UBE2E2: variants seen among roughly 807,000 people sequenced by gnomAD.
UBE2E2 encodes ubiquitin conjugating enzyme E2 E2.
UBE2E2 carries 6 observed loss-of-function variants against 24.7 expected under a neutral mutation model. The ratio of observed to expected loss-of-function variants is 0.24; its 90% CI spans 0.13 to 0.48. The LOEUF (loss-of-function observed/expected upper bound fraction) is 0.48, where lower values mean the gene tolerates loss of function less well. Ranked by LOEUF, UBE2E2 falls within the 20% of genes least tolerant of loss-of-function variation. The pLI, the probability that UBE2E2 is intolerant of heterozygous loss-of-function variation, is 0.99. For missense variants in UBE2E2, 169 were observed against 245.0 expected (o/e 0.69, Z 2.07); for synonymous variants, 104 against 83.6 (o/e 1.24, Z -1.33).
rs372085775 is a variant in UBE2E2, at chr3:23,469,032, C to T, written c.228-30576C>T. On this transcript the variant is annotated intron_variant, in intron 3 of 5. Coordinates refer to ENST00000396703, the MANE Select transcript of UBE2E2 (RefSeq NM_152653.4). ...AGCTCTTAGTTTTGGGCAGGTATAA[C>T]AAAGTACCATGGACTGAGTGGATTG... Among the ~76,000 whole-genome samples, 63 of 152,238 alleles carry T rather than the reference C, an allele frequency of 4.1e-4. No individual in the cohort carries two copies. In the East Asian group the frequency reaches 6.9e-3, roughly 17 times the overall value.
At chr3:23,558,791 T>G (rs1695850404) in intron 5 of UBE2E2, among the ~76,000 whole-genome samples, 1 of 152,198 alleles carries the variant, frequency 6.6e-6, no homozygotes, top group Non-Finnish European at 1.5e-5. Context: ...CCAGGCACAG[T>G]GGCATATGCC....
chr3:23,229,703 T>C (rs1696923436), intron 3 of UBE2E2, among the ~76,000 whole-genome samples: 1 of 152,230 alleles, frequency 6.6e-6, no homozygotes, highest in African/African-American at 2.4e-5. Context: ...TGAACTGCTC[T>C]AGAACAGCAC....
At chr3:23,269,512 C>T (rs1559327167) in intron 3 of UBE2E2, among the ~76,000 whole-genome samples, 1 of 152,110 alleles carries the variant, frequency 6.6e-6, no homozygotes, top group Non-Finnish European at 1.5e-5. Flanking sequence ...CACAGTCTGC[C>T]AGGAAATCAG....
intron 3 of UBE2E2, among the ~76,000 whole-genome samples, chr3:23,361,380 CAT>C (rs34258016): frequency 0.1 from 15,819 of 152,182 alleles, 961 homozygotes; most frequent in East Asian, 0.13. Flanking sequence ...CATGCACACA[CAT>C]GTTTATAGTA....
intron 3 of UBE2E2, among the ~76,000 whole-genome samples, chr3:23,495,881 A>G (rs1699587654): frequency 1.3e-5 from 2 of 152,000 alleles, no homozygotes; most frequent in Non-Finnish European, 2.9e-5. Context: ...ACCCTTTGCA[A>G]TAAGCTAGGA....
chr3:23,518,953 G>T (rs533209358), intron 4 of UBE2E2, among the ~76,000 whole-genome samples: 2 of 152,234 alleles, frequency 1.3e-5, no homozygotes, highest in African/African-American at 4.8e-5. Flanking sequence ...TCCACAAAAG[G>T]CTAATTTGAG....
chr3:23,336,756 G>A (rs1304652086), intron 3 of UBE2E2, among the ~76,000 whole-genome samples: 7 of 152,192 alleles, frequency 4.6e-5, no homozygotes, highest in Non-Finnish European at 7.4e-5. Context: ...TGTGTGTTTG[G>A]GGTTTTGGCT....
intron 3 of UBE2E2, among the ~76,000 whole-genome samples, chr3:23,480,206 G>C (rs545306703): frequency 2.6e-5 from 4 of 152,234 alleles, no homozygotes; most frequent in East Asian, 1.9e-4. Context: ...GAAGGAGCCT[G>C]TGCAGCAGGG....
At chr3:23,532,832 A>T (rs2125485687) in intron 5 of UBE2E2, 131 bp downstream of exon 5, 1 of 860,844 alleles carries the variant, frequency 1.2e-6, no homozygotes, top group East Asian at 2.9e-5. Flanking sequence ...AAATTTTCAT[A>T]GTATGTAACT....
intron 3 of UBE2E2, among the ~76,000 whole-genome samples, chr3:23,447,483 G>T (rs1465394302): frequency 6.6e-6 from 1 of 152,170 alleles, no homozygotes; most frequent in South Asian, 2.1e-4. Flanking sequence ...AATGTCAGCA[G>T]TTTGGAAGAA....
At chr3:23,430,829 T>A (rs1467286212) in intron 3 of UBE2E2, among the ~76,000 whole-genome samples, 1 of 152,222 alleles carries the variant, frequency 6.6e-6, no homozygotes, top group Non-Finnish European at 1.5e-5. Flanking sequence ...CCTGTTTACT[T>A]CATTTTTTAG....
intron 2 of UBE2E2, among the ~76,000 whole-genome samples, chr3:23,213,420 T>C (rs563131415): frequency 6.6e-6 from 1 of 152,194 alleles, no homozygotes; most frequent in East Asian, 1.9e-4. Flanking sequence ...CTATTTTTTT[T>C]AAAGCAAATA....
intron 3 of UBE2E2, among the ~76,000 whole-genome samples, chr3:23,478,377 C>G (rs1699183604): frequency 6.6e-6 from 1 of 152,112 alleles, no homozygotes; most frequent in Non-Finnish European, 1.5e-5. Flanking sequence ...AAAATGGCAA[C>G]AGACTGATCA....
chr3:23,518,087 T>C (rs1237014862), intron 4 of UBE2E2, among the ~76,000 whole-genome samples: 2 of 152,232 alleles, frequency 1.3e-5, no homozygotes, highest in East Asian at 3.9e-4. Context: ...TAAGGAAAAT[T>C]AACCCATTTT....
At chr3:23,409,419 T>G (rs1697447500) in intron 3 of UBE2E2, among the ~76,000 whole-genome samples, 1 of 152,120 alleles carries the variant, frequency 6.6e-6, no homozygotes, top group Admixed American at 6.6e-5. Context: ...GGTAGAAACT[T>G]CTAGATGTAA....
At chr3:23,390,180 C>T (rs1036090303) in intron 3 of UBE2E2, among the ~76,000 whole-genome samples, 1 of 152,086 alleles carries the variant, frequency 6.6e-6, no homozygotes, top group African/African-American at 2.4e-5. Flanking sequence ...AAAGGCCCCA[C>T]CCCTAAGCCT....
chr3:23,529,273 T>G (rs1695067268), intron 4 of UBE2E2, among the ~76,000 whole-genome samples: 1 of 152,194 alleles, frequency 6.6e-6, no homozygotes, highest in Non-Finnish European at 1.5e-5. Flanking sequence ...CTAAATATAC[T>G]TAATATGCAT....
chr3:23,362,355 G>A (rs1418142222), intron 3 of UBE2E2, among the ~76,000 whole-genome samples: 2 of 152,166 alleles, frequency 1.3e-5, no homozygotes, highest in Non-Finnish European at 2.9e-5. Flanking sequence ...AGCCCATTTT[G>A]TGTGGGGGCA....
intron 3 of UBE2E2, among the ~76,000 whole-genome samples, chr3:23,470,410 G>A (rs1003344784): frequency 6.6e-6 from 1 of 152,164 alleles, no homozygotes; most frequent in South Asian, 2.1e-4. Flanking sequence ...GACCTACCAG[G>A]TAGGAATCTA....
Sources: gnomAD v4.1 joint callset for allele counts (sites outside exome capture counted in the v4.1 genomes callset) on GRCh38, gnomAD v4.1.1 for gene constraint, MANE v1.5 for transcripts, NCBI Gene and HGNC (gene_info 2026-07-23, HGNC 2026-07-21) for gene names.